Variants in SYNDIG1 observed in about 807,000 individuals in gnomAD.
SYNDIG1 encodes the protein synapse differentiation inducing 1.
Under a neutral mutation model 19.4 loss-of-function variants are expected in SYNDIG1, and 9 were observed. That is an observed-to-expected ratio of 0.46 (90% CI 0.28 to 0.81). The LOEUF is 0.81. Among genes scored for constraint, SYNDIG1 ranks in the 30% least tolerant of loss-of-function variants. The probability of loss-of-function intolerance (pLI) is 0.12; values close to 1 mark genes in which losing one functional copy is unlikely to be tolerated. For synonymous variants in SYNDIG1, 141 were observed against 145.9 expected, an observed-to-expected ratio of 0.97 and a Z score of 0.24; for missense variants, 311 against 343.3, an observed-to-expected ratio of 0.91 and a Z score of 0.74.
At chr20:24,480,391 A>T (rs1402457527) in intron 1 of SYNDIG1, among the ~76,000 whole-genome samples, 1 of 152,246 alleles carries the variant, frequency 6.6e-6, no homozygotes, top group Non-Finnish European at 1.5e-5. Flanking sequence ...GTCCTACCAG[A>T]TAATAAAACG....
At chr20:24,481,204 G>T (rs1420116376) in intron 1 of SYNDIG1, among the ~76,000 whole-genome samples, 1 of 152,178 alleles carries the variant, frequency 6.6e-6, no homozygotes, top group Non-Finnish European at 1.5e-5. Context: ...AGGCTATTCT[G>T]ATCTACTGTT....
At chr20:24,483,065 C>T (rs1346939696) in intron 1 of SYNDIG1, among the ~76,000 whole-genome samples, 3 of 152,186 alleles carry the variant, frequency 2.0e-5, no homozygotes, top group Non-Finnish European at 4.4e-5. Context: ...TGGAAGTAAT[C>T]AGAGGTCTGG....
intron 3 of SYNDIG1, among the ~76,000 whole-genome samples, chr20:24,615,566 G>A (rs2058918709): frequency 6.6e-6 from 1 of 152,130 alleles, no homozygotes; most frequent in South Asian, 2.1e-4. Flanking sequence ...ATGGACCCGG[G>A]GCCAGGCAGG....
At chr20:24,605,938 G>T (rs777721946) in intron 3 of SYNDIG1, among the ~76,000 whole-genome samples, 3 of 152,206 alleles carry the variant, frequency 2.0e-5, no homozygotes, top group African/African-American at 2.4e-5. Flanking sequence ...TTCTTTAAAT[G>T]ATGTACCTGA....
intron 3 of SYNDIG1, among the ~76,000 whole-genome samples, chr20:24,607,473 T>A (rs2147156083): frequency 6.6e-6 from 1 of 152,230 alleles, no homozygotes; most frequent in African/African-American, 2.4e-5. Context: ...CCTCAATGCC[T>A]GATTCACCCG....
intron 3 of SYNDIG1, among the ~76,000 whole-genome samples, chr20:24,587,302 G>A (rs2058433096): frequency 1.3e-5 from 2 of 152,166 alleles, no homozygotes; most frequent in South Asian, 2.1e-4. Flanking sequence ...GAGAAGAGGT[G>A]CTAACACTTT....
intron 1 of SYNDIG1, among the ~76,000 whole-genome samples, chr20:24,517,179 A>T (rs537793359): frequency 1.3e-5 from 2 of 152,244 alleles, no homozygotes; most frequent in Non-Finnish European, 2.9e-5. Context: ...GAGGGAAAGC[A>T]TTAGGAGATA....
chr20:24,561,024 G>T, intron 2 of SYNDIG1, among the ~76,000 whole-genome samples: 1 of 148,338 alleles, frequency 6.7e-6, no homozygotes, highest in Admixed American at 6.7e-5. Flanking sequence ...TTTTTTTATT[G>T]CTAAGCCTGA....
intron 3 of SYNDIG1, among the ~76,000 whole-genome samples, chr20:24,614,843 G>A (rs1418615653): frequency 6.6e-6 from 1 of 152,212 alleles, no homozygotes; most frequent in Non-Finnish European, 1.5e-5. Flanking sequence ...ATAAATTAAT[G>A]TAATTGGTGA....
At position 24,565,781 on chromosome 20, in the gene SYNDIG1, T is replaced by A. The variant is rs528646392; in HGVS notation, c.481-19075T>A. Reference sequence around the variant, plus strand: ...TTCCCCCGCTTCACAGCCCTGAGTCTCAGCCCCTTTTTCAACTTCTCAACC... The same window carrying A: ...TTCCCCCGCTTCACAGCCCTGAGTCACAGCCCCTTTTTCAACTTCTCAACC... On this transcript the variant is annotated intron_variant, in intron 2 of 3. Transcript: ENST00000376862. 2.8e-4 allele frequency among the ~76,000 whole-genome samples: 42 copies of A among 152,194 alleles called. 1 individual carries two copies. Among genetic ancestry groups the A allele is most frequent in the African/African-American group, 9.9e-4 (41 of 41,532 alleles).
chr20:24,665,045 C>A (rs1220829357), intron 3 of SYNDIG1, among the ~76,000 whole-genome samples: 1 of 152,192 alleles, frequency 6.6e-6, no homozygotes, highest in Admixed American at 6.5e-5. Context: ...AGATCCCAGA[C>A]CCCACACTGA....
At chr20:24,598,909 G>A (rs977028691) in intron 3 of SYNDIG1, among the ~76,000 whole-genome samples, 3 of 151,998 alleles carry the variant, frequency 2.0e-5, no homozygotes, top group East Asian at 1.9e-4. Flanking sequence ...TAGGGAAATC[G>A]CTCCTAGATA....
chr20:24,512,733 C>T (rs1291694253), intron 1 of SYNDIG1, among the ~76,000 whole-genome samples: 2 of 152,330 alleles, frequency 1.3e-5, no homozygotes, highest in Middle Eastern at 6.8e-3. Context: ...CAGCAGAAAT[C>T]TCTGCAGACT....
At chr20:24,567,563 C>A (rs1271921191) in intron 2 of SYNDIG1, among the ~76,000 whole-genome samples, 1 of 152,220 alleles carries the variant, frequency 6.6e-6, no homozygotes, top group East Asian at 1.9e-4. Flanking sequence ...GGGCTCTGAC[C>A]TGTGTGATGT....
chr20:24,474,266 G>A (rs1256660444), intron 1 of SYNDIG1, among the ~76,000 whole-genome samples: 14 of 152,212 alleles, frequency 9.2e-5, no homozygotes, highest in Admixed American at 9.2e-4. Flanking sequence ...GATTCAAGAT[G>A]CAAGCATGGT....
intron 1 of SYNDIG1, among the ~76,000 whole-genome samples, chr20:24,479,585 C>A (rs2055737214): frequency 6.6e-6 from 1 of 152,180 alleles, no homozygotes; most frequent in Non-Finnish European, 1.5e-5. Context: ...ACTCCCTAGC[C>A]CCTGTGCTTC....
At chr20:24,566,131 C>T (rs2058037935) in intron 2 of SYNDIG1, among the ~76,000 whole-genome samples, 1 of 152,094 alleles carries the variant, frequency 6.6e-6, no homozygotes, top group Non-Finnish European at 1.5e-5. Flanking sequence ...CAGAGGGAAT[C>T]TCAGCCTGAC....
intron 1 of SYNDIG1, among the ~76,000 whole-genome samples, chr20:24,471,522 A>G (rs975335032): frequency 4.0e-5 from 6 of 150,526 alleles, no homozygotes; most frequent in Admixed American, 6.6e-5. Context: ...CAAGCCTGAC[A>G]GTAGCTGATC....
At chr20:24,640,473 AGAAGGAAG>A (rs201004570) in intron 3 of SYNDIG1, among the ~76,000 whole-genome samples, 17,069 of 100,310 alleles carry the variant, frequency 0.17, 1,474 homozygotes, top group Middle Eastern at 0.27. Flanking sequence ...AGGGAGGGAA[AGAAGGAAG>A]GAAGGAAGGA....
Sources: allele counts gnomAD v4.1 joint callset (sites outside exome capture counted in the v4.1 genomes callset), GRCh38; gene constraint gnomAD v4.1.1; transcripts MANE v1.5; gene names NCBI Gene and HGNC (gene_info 2026-07-23, HGNC 2026-07-21).